CKAP5: variants seen among roughly 807,000 people sequenced by gnomAD.
The protein encoded by CKAP5 is cytoskeleton associated protein 5, also known as cytoskeleton-associated protein 5.
CKAP5 carries 27 observed loss-of-function variants against 232.8 expected under a neutral mutation model. The observed-to-expected ratio is 0.12, with a 90% CI of 0.09 to 0.16. The LOEUF (loss-of-function observed/expected upper bound fraction) is 0.16. CKAP5 is among the 10% of genes least tolerant of loss of function. CKAP5 has a pLI of 1.00. For synonymous variants in CKAP5, 785 were observed against 841.1 expected (o/e 0.93, Z 1.16); for missense variants, 1,838 against 2,424.7 (o/e 0.76, Z 5.08).
chr11:46,776,199 G>A (rs2065289718), intron 24 of CKAP5, 56 bp downstream of exon 24: 2 of 1,517,618 alleles, frequency 1.3e-6, no homozygotes, highest in Non-Finnish European at 1.8e-6. Flanking sequence ...ACAGGCCCAA[G>A]CCCCTATGGA....
Position 46,754,993 on chromosome 11 carries a change from A to C in CKAP5, c.4764T>G (p.Thr1588=). Reference sequence around the variant, plus strand: ...TGTAGATGAGTCTTAGCTGCATAAAAGTGGCTATCAGAAACTGATCAATAT... The same window carrying C: ...TGTAGATGAGTCTTAGCTGCATAAACGTGGCTATCAGAAACTGATCAATAT... The part of the protein sequence containing the change: ...SGHIDQFLIA[T]FMQLRLIYNT... Residue 1588 remains threonine, a synonymous_variant, in exon 36 of 44, where the codon ACT becomes ACG. Coordinates refer to ENST00000529230, the MANE Select transcript of CKAP5 (RefSeq NM_001008938.4). 5 of 1,614,068 alleles carry C rather than the reference A, an allele frequency of 3.1e-6. No homozygotes were observed. The highest frequency in any genetic ancestry group is 4.2e-6 in the Non-Finnish European group (5 of 1,179,974).
chr11:46,765,047 C>T, intron 28 of CKAP5, 84 bp downstream of exon 28: 1 of 1,284,080 alleles, frequency 7.8e-7, no homozygotes, highest in Non-Finnish European at 1.1e-6. Context: ...AGATATTAAA[C>T]AATAACATGA....
intron 8 of CKAP5, among the ~76,000 whole-genome samples, chr11:46,802,549 G>GAC (rs761221755): frequency 6.9e-4 from 84 of 122,408 alleles, no homozygotes; most frequent in Admixed American, 8.4e-4. Flanking sequence ...CAGACAGACA[G>GAC]ACAGACAGAC....
chr11:46,791,865 C>T (rs1012062197), intron 13 of CKAP5, among the ~76,000 whole-genome samples: 7 of 152,056 alleles, frequency 4.6e-5, no homozygotes, highest in African/African-American at 1.7e-4. Context: ...TATGAAATGC[C>T]CCAAACCTAA....
rs750049617 is a variant in CKAP5 at position 46,744,278 on chromosome 11, GGA to G, written c.5857-15_5857-14del. The G allele has an allele frequency of 5.0e-6, 8 of 1,613,974 alleles. No individual in the cohort carries two copies. The highest frequency in any genetic ancestry group is 6.8e-6 in the Non-Finnish European group (8 of 1,179,938). ...GTCGGTCATCTTGCTATTGAGAGAAGGAGAGAGATTGTCTAAGGTCAGGTCAA... is the reference window on the plus strand; with the variant it reads ...GTCGGTCATCTTGCTATTGAGAGAAGGAGAGATTGTCTAAGGTCAGGTCAA... On this transcript the variant is annotated splice_polypyrimidine_tract_variant and intron_variant, in intron 43 of 43. Coordinates refer to ENST00000529230, the MANE Select transcript of CKAP5 (RefSeq NM_001008938.4).
intron 8 of CKAP5, among the ~76,000 whole-genome samples, chr11:46,802,657 T>C (rs1939061422): frequency 6.6e-6 from 1 of 152,136 alleles, no homozygotes; most frequent in South Asian, 2.1e-4. Flanking sequence ...ACTCTTCTTT[T>C]TTCACTCTTT....
chr11:46,767,316 G>C (rs1006033094), intron 27 of CKAP5, among the ~76,000 whole-genome samples: 1 of 152,112 alleles, frequency 6.6e-6, no homozygotes, highest in African/African-American at 2.4e-5. Context: ...CACTGTGCCC[G>C]GCCCTTTCTT....
intron 9 of CKAP5, among the ~76,000 whole-genome samples, chr11:46,798,721 G>A (rs1447356802): frequency 6.6e-6 from 1 of 152,114 alleles, no homozygotes; most frequent in East Asian, 1.9e-4. Context: ...GACTGTTAAT[G>A]GGCAAGGGGT....
At chr11:46,810,203 C>T (rs945962501) in intron 5 of CKAP5, among the ~76,000 whole-genome samples, 2 of 152,116 alleles carry the variant, frequency 1.3e-5, no homozygotes, top group Non-Finnish European at 2.9e-5. Flanking sequence ...AACTTCTGAC[C>T]TCAGGTGATC....
intron 1 of CKAP5, among the ~76,000 whole-genome samples, chr11:46,832,830 G>A (rs1939823139): frequency 6.6e-6 from 1 of 151,990 alleles, no homozygotes; most frequent in South Asian, 2.1e-4. Flanking sequence ...AGTGGCATGC[G>A]CCTGTAGTCT....
intron 1 of CKAP5, among the ~76,000 whole-genome samples, chr11:46,844,445 C>CA (rs1411389441): frequency 1.3e-5 from 2 of 151,714 alleles, no homozygotes; most frequent in African/African-American, 2.4e-5. Flanking sequence ...CAAAAAACAC[C>CA]AAAAAAACAG....
At chr11:46,823,167 C>T (rs1939581381) in intron 1 of CKAP5, among the ~76,000 whole-genome samples, 1 of 152,010 alleles carries the variant, frequency 6.6e-6, no homozygotes, top group Non-Finnish European at 1.5e-5. Context: ...GACAAGGTCT[C>T]GTTATATTGC....
At chr11:46,801,132 A>C (rs770040331) in intron 9 of CKAP5, 68 bp downstream of exon 9, 2 of 1,112,766 alleles carry the variant, frequency 1.8e-6, no homozygotes, top group Non-Finnish European at 2.7e-6. Context: ...TTTAAAGCAA[A>C]CAGCAAACTA....
chr11:46,809,265 G>A (rs1939223074), intron 7 of CKAP5, 135 bp downstream of exon 7: 1 of 616,352 alleles, frequency 1.6e-6, no homozygotes, highest in Non-Finnish European at 2.9e-6. Context: ...AGAGGAAGAA[G>A]CAACTAACTC....
chr11:46,762,852 A>T, intron 30 of CKAP5, 90 bp from the exon 31 acceptor site: 3 of 1,475,674 alleles, frequency 2.0e-6, no homozygotes, highest in Non-Finnish European at 2.8e-6. Flanking sequence ...AAGAATAGGG[A>T]AATAGGGATA....
At chr11:46,796,305 T>C (rs1938873892) in intron 12 of CKAP5, among the ~76,000 whole-genome samples, 1 of 152,172 alleles carries the variant, frequency 6.6e-6, no homozygotes. Flanking sequence ...CAAATTAGAA[T>C]TGTAATAAAC....
intron 12 of CKAP5, 35 bp from the exon 13 acceptor site, chr11:46,795,811 C>T (rs780491710): frequency 6.4e-7 from 1 of 1,564,614 alleles, no homozygotes; most frequent in Admixed American, 1.7e-5. Flanking sequence ...ATCATTAAGC[C>T]CAACTTTGAA....
Position 46,790,146 on chromosome 11 carries a change from G to C in CKAP5, c.1805C>G (p.Pro602Arg). ...GCTGTCAAGAAGCTGTATACAGGTA[G>C]GGGGAAGAACAGCTGAAGCTTTTTC... Reference protein sequence around the residue: ...CEEKASAVLPPTCIQLLDSSN... With the variant: ...CEEKASAVLPRTCIQLLDSSN... Residue 602 changes from proline (P) to arginine (R), a missense_variant, in exon 15 of 44, where the codon CCT becomes CGT. Transcript: ENST00000529230. 6.2e-7 allele frequency: 1 copy of C among 1,611,226 alleles called. No individual in the cohort carries two copies. The highest frequency in any genetic ancestry group is 8.5e-7 in the Non-Finnish European group (1 of 1,177,922).
At position 46,783,330 on chromosome 11, in the gene CKAP5, A is replaced by G; in HGVS notation, c.2193T>C (p.Asn731=). 1 of 1,612,644 alleles carries G rather than the reference A, an allele frequency of 6.2e-7. No individual in the cohort carries two copies. Among genetic ancestry groups the G allele is most frequent in the Non-Finnish European group, 8.5e-7 (1 of 1,179,366 alleles). The part of the protein sequence containing the change: ...SMAFSQKNPK[N]QSETLNWLSN... ...ATAGCCAATTCAGAGTTTCTGACTG[A>G]TTTTTGGGATTCTTTTGTGAGAAAG... The change falls in exon 18 of 44, where the codon AAT becomes AAC. Residue 731 remains asparagine, a synonymous_variant. Transcript: ENST00000529230.
Sources: allele counts gnomAD v4.1 joint callset (sites outside exome capture counted in the v4.1 genomes callset), GRCh38; gene constraint gnomAD v4.1.1; transcripts MANE v1.5; gene names NCBI Gene and HGNC (gene_info 2026-07-23, HGNC 2026-07-21).